Variants in ZNF718 observed in about 807,000 individuals in gnomAD.
The protein encoded by ZNF718 is zinc finger protein 718.
A neutral mutation model predicts 2.6 loss-of-function variants in ZNF718; 3 were observed. The ratio of observed to expected loss-of-function variants is 1.16; its 90% CI spans 0.53 to 3.01. The LOEUF (loss-of-function observed/expected upper bound fraction) is 3.01. Among genes scored for constraint, ZNF718 ranks in the 30% most tolerant of loss-of-function variants. ZNF718 has a pLI of 0.03. For missense variants in ZNF718, 468 were observed against 230.0 expected, an observed-to-expected ratio of 2.03 and a Z score of -6.69; for synonymous variants, 135 against 77.9, an observed-to-expected ratio of 1.73 and a Z score of -3.86.
At chr4:134,652 G>A (rs1229354903) in intron 3 of ZNF718, among the ~76,000 whole-genome samples, 2 of 151,772 alleles carry the variant, frequency 1.3e-5, no homozygotes, top group African/African-American at 4.8e-5. Flanking sequence ...ATTGTATTTA[G>A]TGTATACATA....
Position 124,524 on chromosome 4 carries a change from A to C in ZNF718, c.-147A>C, listed in dbSNP as rs1553807508. On this transcript the variant is annotated 5_prime_UTR_variant, in exon 1 of 4. Coordinates refer to ENST00000510175, the MANE Select transcript of ZNF718 (RefSeq NM_001039127.6). ...GCGGCTTTTGCTTGTAGCTCCAGCC[A>C]GAGCTCGGTTAGGGCCTCATCGCTC... 53 of 1,122,982 alleles carry C rather than the reference A, an allele frequency of 4.7e-5. No homozygotes were observed. The highest frequency in any genetic ancestry group is 2.0e-4 in the East Asian group (8 of 39,680). The allele number at this position is 1,122,982 out of a possible 1,614,324, so 69.6% of individuals were successfully genotyped here.
At chr4:200,431 G>A (rs1205220471) in intron 3 of ZNF718, among the ~76,000 whole-genome samples, 2 of 152,158 alleles carry the variant, frequency 1.3e-5, no homozygotes, top group Admixed American at 6.5e-5. Context: ...ACCATGTCCA[G>A]CTAATTTTTG....
At chr4:196,001 C>G (rs181375575) in intron 3 of ZNF718, among the ~76,000 whole-genome samples, 1 of 152,098 alleles carries the variant, frequency 6.6e-6, no homozygotes, top group African/African-American at 2.4e-5. Context: ...CTCTGCTTCT[C>G]TTTCCTCTCT....
intron 3 of ZNF718, among the ~76,000 whole-genome samples, chr4:175,579 A>T (rs1000373336): frequency 8.5e-5 from 13 of 152,200 alleles, no homozygotes; most frequent in African/African-American, 4.8e-5. Flanking sequence ...GTGCAGCACC[A>T]GGAGTTCCAA....
chr4:162,815 A>G lies in ZNF718; in HGVS notation c.*693A>G, dbSNP rs1716956888. 1 of 152,186 alleles carries G rather than the reference A, an allele frequency of 6.6e-6. No individual in the cohort carries two copies. Among genetic ancestry groups the G allele is most frequent in the South Asian group, 2.1e-4 (1 of 4,834 alleles). 9.4% of individuals were successfully genotyped at this position (152,186 alleles called of 1,614,324 possible). A position where few individuals can be genotyped will look rare whatever the true frequency, so the allele number is the denominator to read the frequency against. ...AAAAAAAACCAGTTTATACTAGAAG[A>G]TATTTTGTAGATGCGGTAAGTATGA... is the stretch of plus-strand genomic sequence containing the variant. On this transcript the variant is annotated 3_prime_UTR_variant, in exon 4 of 4. Coordinates refer to ENST00000510175, the MANE Select transcript of ZNF718 (RefSeq NM_001039127.6).
chr4:134,528 A>G (rs1715474583), intron 3 of ZNF718, among the ~76,000 whole-genome samples: 1 of 152,240 alleles, frequency 6.6e-6, no homozygotes, highest in Non-Finnish European at 1.5e-5. Flanking sequence ...TAAAATTTTC[A>G]CTTTGAATAT....
At chr4:126,723 G>C (rs1352786600) in intron 1 of ZNF718, among the ~76,000 whole-genome samples, 1 of 152,084 alleles carries the variant, frequency 6.6e-6, no homozygotes, top group African/African-American at 2.4e-5. Context: ...TCTCTTAGTA[G>C]ATTGCCTGTG....
chr4:176,767 A>G (rs1445927397), intron 3 of ZNF718, among the ~76,000 whole-genome samples: 1 of 152,210 alleles, frequency 6.6e-6, no homozygotes, highest in East Asian at 1.9e-4. Flanking sequence ...ATACTACTAG[A>G]CACATGATTT....
intron 3 of ZNF718, among the ~76,000 whole-genome samples, chr4:146,340 A>G (rs1560114796): frequency 6.6e-6 from 1 of 151,994 alleles, no homozygotes; most frequent in Non-Finnish European, 1.5e-5. Context: ...GTTCATTTGC[A>G]CTTTAAATAT....
At chr4:177,424 A>G (rs1367397546) in intron 3 of ZNF718, among the ~76,000 whole-genome samples, 3 of 152,200 alleles carry the variant, frequency 2.0e-5, no homozygotes, top group African/African-American at 7.2e-5. Flanking sequence ...GAGATTTTAT[A>G]CACCAGGCCT....
At chr4:187,369 G>A (rs1230545124) in intron 3 of ZNF718, among the ~76,000 whole-genome samples, 1 of 152,092 alleles carries the variant, frequency 6.6e-6, no homozygotes, top group African/African-American at 2.4e-5. Flanking sequence ...TGGGACTACA[G>A]GTGTGCACCA....
Position 162,559 on chromosome 4 carries a change from A to G in ZNF718, c.*437A>G, listed in dbSNP as rs1553815820. 1 of 154,838 alleles carries G rather than the reference A, an allele frequency of 6.5e-6. No homozygotes were observed. 9.6% of individuals were successfully genotyped at this position (154,838 alleles called of 1,614,324 possible). On this transcript the variant is annotated 3_prime_UTR_variant, in exon 4 of 4. Coordinates refer to ENST00000510175, the MANE Select transcript of ZNF718 (RefSeq NM_001039127.6). ...TAGTATTTGTTGAAAGACCTATTAG[A>G]AAATACAGGTCTTAAAAGTGAAGAA...
chr4:185,992 G>A (rs183936609), intron 3 of ZNF718, among the ~76,000 whole-genome samples: 5 of 152,096 alleles, frequency 3.3e-5, no homozygotes, highest in Non-Finnish European at 5.9e-5. Flanking sequence ...TAACCTATTC[G>A]TATTTAAGGT....
intron 3 of ZNF718, among the ~76,000 whole-genome samples, chr4:157,103 C>CTTTTT (rs199814257): frequency 4.8e-5 from 5 of 103,128 alleles, no homozygotes; most frequent in South Asian, 6.0e-4. Context: ...TTCTTTCTTT[C>CTTTTT]TTTTTTTTTT....
At chr4:188,246 G>A (rs1042817919) in intron 3 of ZNF718, among the ~76,000 whole-genome samples, 3 of 152,208 alleles carry the variant, frequency 2.0e-5, no homozygotes, top group Admixed American at 6.5e-5. Context: ...CGAGGATAAT[G>A]GATTGGGTTT....
chr4:157,438 C>T (rs1029660990), intron 3 of ZNF718, among the ~76,000 whole-genome samples: 2 of 151,986 alleles, frequency 1.3e-5, no homozygotes, highest in East Asian at 1.9e-4. Flanking sequence ...TATTGAAGAT[C>T]GCTTGGTGCT....
chr4:161,842 A>G lies in ZNF718; in HGVS notation c.1157A>G (p.Lys386Arg). 3.8e-6 allele frequency: 3 copies of G among 780,900 alleles called. No individual in the cohort carries two copies. The highest frequency in any genetic ancestry group is 1.7e-5 in the Admixed American group (1 of 59,022). The allele number at this position is 780,900 out of a possible 1,614,324, so 48.4% of individuals were successfully genotyped here. Residue 386 changes from lysine (K) to arginine (R), a missense_variant, in exon 4 of 4, where the codon AAG (lysine) becomes AGG (arginine). Transcript: ENST00000510175. Reference protein sequence around the residue: ...FNWSSTLNVHKRIHSGKNPYK... With the variant: ...FNWSSTLNVHRRIHSGKNPYK... ...TGGTCCTCAACCCTTAATGTACACAAGAGAATTCACTCTGGAAAAAATCCC... is the reference window on the plus strand; with the variant it reads ...TGGTCCTCAACCCTTAATGTACACAGGAGAATTCACTCTGGAAAAAATCCC...
chr4:139,781 A>G (rs1715729320), intron 3 of ZNF718, among the ~76,000 whole-genome samples: 1 of 152,186 alleles, frequency 6.6e-6, no homozygotes, highest in Admixed American at 6.5e-5. Context: ...TCTGCTCCAT[A>G]CAAGAGCTTT....
intron 3 of ZNF718, among the ~76,000 whole-genome samples, chr4:174,287 G>A (rs987876025): frequency 1.3e-5 from 2 of 152,064 alleles, no homozygotes; most frequent in African/African-American, 4.8e-5. Context: ...GGAACGTTTT[G>A]TGGCCCTTAT....
Sources: gnomAD v4.1 joint callset for allele counts (sites outside exome capture counted in the v4.1 genomes callset) on GRCh38, gnomAD v4.1.1 for gene constraint, MANE v1.5 for transcripts, NCBI Gene and HGNC (gene_info 2026-07-23, HGNC 2026-07-21) for gene names.